The following ACER2 variants were observed in gnomAD, a reference collection of about 807,000 sequenced individuals.
ACER2 encodes alkaline ceramidase 2.
In ACER2, 26 loss-of-function variants were observed where a neutral mutation model predicts 34.7. The ratio of observed to expected loss-of-function variants is 0.75; its 90% CI spans 0.55 to 1.04. ACER2 has a LOEUF of 1.04. ACER2 is among the 50% of genes least tolerant of loss of function. The probability of loss-of-function intolerance (pLI) is 0.00; values close to 1 mark genes in which losing one functional copy is unlikely to be tolerated. For missense variants in ACER2, 352 were observed against 340.8 expected (o/e 1.03, Z -0.26); for synonymous variants, 138 against 132.1 (o/e 1.04, Z -0.31).
At chr9:19,417,869 A>G (rs1328309658) in intron 1 of ACER2, among the ~76,000 whole-genome samples, 1 of 152,262 alleles carries the variant, frequency 6.6e-6, no homozygotes, top group Non-Finnish European at 1.5e-5. Flanking sequence ...AGCTCTAATT[A>G]AACTAAAGAG....
intron 4 of ACER2, among the ~76,000 whole-genome samples, chr9:19,445,480 C>T (rs891415475): frequency 3.9e-5 from 6 of 152,084 alleles, no homozygotes; most frequent in Non-Finnish European, 7.4e-5. Context: ...GGAAGGAGGC[C>T]TTAGGGAGAG....
intron 3 of ACER2, among the ~76,000 whole-genome samples, chr9:19,429,647 A>C (rs539413373): frequency 5.3e-5 from 8 of 152,280 alleles, no homozygotes; most frequent in Admixed American, 3.9e-4. Flanking sequence ...TCCACTTCTT[A>C]AATAATTTAT....
chr9:19,417,455 T>C (rs1398878952), intron 1 of ACER2, among the ~76,000 whole-genome samples: 3 of 152,246 alleles, frequency 2.0e-5, no homozygotes, highest in African/African-American at 7.2e-5. Context: ...GGCATCACGC[T>C]ACCTGACTTC....
chr9:19,444,359 C>T (rs1831273505), intron 4 of ACER2, among the ~76,000 whole-genome samples: 1 of 151,686 alleles, frequency 6.6e-6, no homozygotes, highest in Non-Finnish European at 1.5e-5. Flanking sequence ...CTACAGGCGC[C>T]CGCCACCACG....
chr9:19,443,932 C>T lies in ACER2; in HGVS notation c.504-2349C>T, dbSNP rs113745403. Among the ~76,000 whole-genome samples, 769 of 152,216 alleles carry T rather than the reference C, an allele frequency of 5.1e-3. 6 individuals are homozygous for T. The highest frequency in any genetic ancestry group is 0.017 in the African/African-American group (726 of 41,508). ...TTGGCCTCCCAAAGTGCTGGGATTACAGGGGTGAGCTCCCGGCCTCTAGGC... is the reference window on the plus strand; with the variant it reads ...TTGGCCTCCCAAAGTGCTGGGATTATAGGGGTGAGCTCCCGGCCTCTAGGC... On this transcript the variant is annotated intron_variant, in intron 4 of 5. Coordinates refer to ENST00000340967, the MANE Select transcript of ACER2 (RefSeq NM_001010887.3).
chr9:19,416,800 T>A (rs1235043969), intron 1 of ACER2, among the ~76,000 whole-genome samples: 1 of 152,176 alleles, frequency 6.6e-6, no homozygotes, highest in Non-Finnish European at 1.5e-5. Context: ...CCCAAAATGC[T>A]GGGATTACAG....
intron 1 of ACER2, among the ~76,000 whole-genome samples, chr9:19,416,571 G>A (rs1335370663): frequency 6.6e-6 from 1 of 151,964 alleles, no homozygotes; most frequent in Non-Finnish European, 1.5e-5. Flanking sequence ...TGTCGCCCAG[G>A]CTGGAGTGCA....
chr9:19,440,878 A>G (rs995761056), intron 4 of ACER2, among the ~76,000 whole-genome samples: 2 of 152,062 alleles, frequency 1.3e-5, no homozygotes, highest in African/African-American at 4.8e-5. Context: ...CTCAAATTCA[A>G]CTTGACCAAA....
At chr9:19,444,476 G>T (rs752585286) in intron 4 of ACER2, among the ~76,000 whole-genome samples, 1 of 152,192 alleles carries the variant, frequency 6.6e-6, no homozygotes, top group East Asian at 1.9e-4. Context: ...CTCCCAAAGT[G>T]CTGGAATTAC....
chr9:19,435,811 A>T (rs2132507830), intron 4 of ACER2, among the ~76,000 whole-genome samples: 1 of 151,950 alleles, frequency 6.6e-6, no homozygotes, highest in South Asian at 2.1e-4. Context: ...GTACTTTGGG[A>T]GGCCGAGGAG....
intron 4 of ACER2, among the ~76,000 whole-genome samples, chr9:19,443,775 G>C (rs1337141553): frequency 2.0e-5 from 3 of 152,138 alleles, no homozygotes; most frequent in African/African-American, 7.2e-5. Flanking sequence ...TCCTGCCTCA[G>C]CCTCCCAAGT....
At chr9:19,413,291 T>C (rs2132454890) in intron 1 of ACER2, among the ~76,000 whole-genome samples, 1 of 152,338 alleles carries the variant, frequency 6.6e-6, no homozygotes, top group East Asian at 1.9e-4. Flanking sequence ...GAGTTCCTTT[T>C]TATGTTTTAA....
At position 19,427,984 on chromosome 9, in the gene ACER2, T is replaced by TTTTCC. The variant is rs751028686; in HGVS notation, c.365+3157_365+3161dup. ...CCCTTCCTTTCCTTTCCTTTTTCCTTTTTCCTTTCCTTTCCTTTTTCCTTT... is the reference window on the plus strand; with the variant it reads ...CCCTTCCTTTCCTTTCCTTTTTCCTTTTTCCTTTCCTTTCCTTTCCTTTTTCCTTT... On this transcript the variant is annotated intron_variant, in intron 3 of 5. Transcript: ENST00000340967. Among the ~76,000 whole-genome samples, 6 of 136,460 alleles carry TTTTCC rather than the reference T, an allele frequency of 4.4e-5. No individual in the cohort carries two copies. The East Asian group carries it at 1.0e-3, about 23-fold the overall frequency. The allele number at this position is 136,460 out of a possible 152,430, so 89.5% of individuals were successfully genotyped here.
At chr9:19,450,395 A>G (rs2132540182) in intron 5 of ACER2, 55 bp from the exon 6 acceptor site, 4 of 1,480,756 alleles carry the variant, frequency 2.7e-6, no homozygotes, top group East Asian at 2.3e-5. Context: ...GGCTAAACTC[A>G]GGGCAGCGGA....
At chr9:19,450,345 C>T (rs1831521526) in intron 5 of ACER2, 105 bp from the exon 6 acceptor site, 39 of 1,385,810 alleles carry the variant, frequency 2.8e-5, no homozygotes, top group South Asian at 6.4e-5. Context: ...GCTGCAACTA[C>T]AGTCAGCAAG....
chr9:19,416,084 C>T, intron 1 of ACER2, among the ~76,000 whole-genome samples: 1 of 148,022 alleles, frequency 6.8e-6, no homozygotes. Flanking sequence ...TACAAGAACA[C>T]ATTCATGTAT....
chr9:19,437,195 C>G (rs1386571259), intron 4 of ACER2, among the ~76,000 whole-genome samples: 6 of 152,212 alleles, frequency 3.9e-5, no homozygotes, highest in Admixed American at 2.6e-4. Context: ...TGCTGGGTAT[C>G]CCAGTCAGAG....
intron 1 of ACER2, among the ~76,000 whole-genome samples, chr9:19,414,128 G>A (rs1014463689): frequency 1.3e-5 from 2 of 152,192 alleles, no homozygotes; most frequent in African/African-American, 4.8e-5. Flanking sequence ...TTTTGCCTGA[G>A]ACTTTTCTGA....
rs1830514049 is a variant in ACER2 at position 19,424,905 on chromosome 9, A to G, written c.365+64A>G. Reference sequence around the variant, plus strand: ...TGCAGTACCCAATATAACAATGTATATATGAAGAAAAATAGCACATGATTG... The same window carrying G: ...TGCAGTACCCAATATAACAATGTATGTATGAAGAAAAATAGCACATGATTG... On this transcript the variant is annotated intron_variant, in intron 3 of 5. Transcript: ENST00000340967. 9 of 1,583,460 alleles carry G rather than the reference A, an allele frequency of 5.7e-6. No individual in the cohort carries two copies. The South Asian group carries it at 6.9e-5, about 12-fold the overall frequency.
Sources: gnomAD v4.1 joint callset for allele counts (sites outside exome capture counted in the v4.1 genomes callset) on GRCh38, gnomAD v4.1.1 for gene constraint, MANE v1.5 for transcripts, NCBI Gene and HGNC (gene_info 2026-07-23, HGNC 2026-07-21) for gene names.